TULP4: variants seen among roughly 807,000 people sequenced by gnomAD.
The protein encoded by TULP4 is TUB like protein 4.
Under a neutral mutation model 129.0 loss-of-function variants are expected in TULP4, and 16 were observed. That is an observed-to-expected ratio of 0.12 (90% confidence interval 0.08 to 0.19). The LOEUF is 0.19. Among genes scored for constraint, TULP4 ranks in the 10% least tolerant of loss-of-function variants. The probability of loss-of-function intolerance (pLI) is 1.00; values close to 1 mark genes in which losing one functional copy is unlikely to be tolerated. For missense variants in TULP4, 1,842 were observed against 2,059.1 expected (o/e 0.89, Z 2.04); for synonymous variants, 998 against 854.0 (o/e 1.17, Z -2.94).
At chr6:158,305,872 T>C (rs1019908074) in intron 1 of TULP4, among the ~76,000 whole-genome samples, 3 of 152,170 alleles carry the variant, frequency 2.0e-5, no homozygotes, top group Admixed American at 1.3e-4. Context: ...GATTTGACAA[T>C]ATTCTTATCA....
At chr6:158,239,957 C>G (rs1165751032) in intron 1 of TULP4, among the ~76,000 whole-genome samples, 3 of 90,368 alleles carry the variant, frequency 3.3e-5, no homozygotes, top group Non-Finnish European at 7.7e-5. Context: ...CCCCCCCCAC[C>G]TCCCTCCCGG....
intron 1 of TULP4, among the ~76,000 whole-genome samples, chr6:158,302,004 A>G (rs1420047693): frequency 6.6e-6 from 1 of 152,244 alleles, no homozygotes; most frequent in African/African-American, 2.4e-5. Context: ...ATTGAACAGG[A>G]GTGGTCTGTT....
intron 1 of TULP4, among the ~76,000 whole-genome samples, chr6:158,333,936 A>C (rs1184534523): frequency 6.6e-6 from 1 of 152,206 alleles, no homozygotes; most frequent in Non-Finnish European, 1.5e-5. Flanking sequence ...TAACTGCATA[A>C]ACTTAACTGT....
Position 158,452,145 on chromosome 6 carries a change from G to A in TULP4, c.736G>A (p.Ala246Thr). ...TTGTGTTCCTGCAGATGGTCCGGCA[G>A]CATATCCCATCCCAGTGCAGAACAT... Reference protein sequence around the residue: ...DYAPPQDGPAAYPIPVQNIKP... With the variant: ...DYAPPQDGPATYPIPVQNIKP... Residue 246 changes from alanine to threonine, a missense_variant, in exon 5 of 14, where the codon GCA becomes ACA. Coordinates refer to ENST00000367097, the MANE Select transcript of TULP4 (RefSeq NM_020245.5). The A allele has an allele frequency of 6.2e-7, 1 of 1,614,136 alleles. No individual in the cohort carries two copies. Among genetic ancestry groups the A allele is most frequent in the Middle Eastern group, 1.7e-4 (1 of 6,060 alleles).
intron 1 of TULP4, among the ~76,000 whole-genome samples, chr6:158,298,130 C>T (rs187160197): frequency 3.8e-4 from 57 of 151,772 alleles, no homozygotes; most frequent in African/African-American, 1.3e-3. Flanking sequence ...TGCCTGACCC[C>T]GCAGGCAGTC....
intron 1 of TULP4, among the ~76,000 whole-genome samples, chr6:158,257,428 A>AC (rs1778269526): frequency 6.6e-6 from 1 of 152,238 alleles, no homozygotes; most frequent in Non-Finnish European, 1.5e-5. Flanking sequence ...TATACATAAC[A>AC]AAATATATTA....
intron 1 of TULP4, among the ~76,000 whole-genome samples, chr6:158,320,446 T>G (rs1196474942): frequency 1.3e-5 from 2 of 151,998 alleles, no homozygotes; most frequent in African/African-American, 2.4e-5. Context: ...TTTTTTTTTT[T>G]TTTTACACAG....
chr6:158,308,326 A>G (rs1337092805), upstream of TULP4, among the ~76,000 whole-genome samples: 1 of 151,896 alleles, frequency 6.6e-6, no homozygotes, highest in Admixed American at 6.6e-5. Flanking sequence ...GGGTAAGGTC[A>G]CAGATCAACA....
At chr6:158,282,235 C>G (rs1778768147), upstream of TULP4, 1 of 151,956 alleles carries the variant, frequency 6.6e-6, no homozygotes, top group South Asian at 2.1e-4. Flanking sequence ...TTCTCGCTAA[C>G]CCTAGTTAAT....
At chr6:158,410,734 A>G (rs943499731) in intron 1 of TULP4, among the ~76,000 whole-genome samples, 1 of 152,200 alleles carries the variant, frequency 6.6e-6, no homozygotes, top group Non-Finnish European at 1.5e-5. Context: ...GACATGTTCA[A>G]TGTCATTTAA....
intron 1 of TULP4, among the ~76,000 whole-genome samples, chr6:158,274,143 G>T (rs915592139): frequency 6.6e-5 from 10 of 151,838 alleles, no homozygotes; most frequent in Non-Finnish European, 2.9e-5. Context: ...CTGCAGTCCC[G>T]GCTACTTGGG....
At chr6:158,241,665 G>C (rs913633817) in intron 1 of TULP4, among the ~76,000 whole-genome samples, 2 of 152,118 alleles carry the variant, frequency 1.3e-5, no homozygotes, top group Non-Finnish European at 2.9e-5. Context: ...CGTGACCTTG[G>C]CTCACCGCAA....
chr6:158,427,435 A>G (rs1363476444), intron 2 of TULP4, among the ~76,000 whole-genome samples: 1 of 145,102 alleles, frequency 6.9e-6, no homozygotes, highest in Non-Finnish European at 1.5e-5. Flanking sequence ...GAAAACTTAC[A>G]TGAAATGGAC....
intron 1 of TULP4, among the ~76,000 whole-genome samples, chr6:158,232,816 G>C (rs910508207): frequency 2.0e-5 from 3 of 152,166 alleles, no homozygotes; most frequent in African/African-American, 7.2e-5. Flanking sequence ...TCCCCAGCCC[G>C]CCTGCCCCAC....
At chr6:158,376,172 G>A (rs987461242) in intron 1 of TULP4, among the ~76,000 whole-genome samples, 3 of 152,158 alleles carry the variant, frequency 2.0e-5, no homozygotes, top group Non-Finnish European at 2.9e-5. Flanking sequence ...TGGATAGCAC[G>A]TCACTCCAGA....
At chr6:158,366,048 G>A (rs1456056316) in intron 1 of TULP4, among the ~76,000 whole-genome samples, 6 of 151,268 alleles carry the variant, frequency 4.0e-5, no homozygotes, top group Non-Finnish European at 7.4e-5. Flanking sequence ...GACTACAGGT[G>A]CCTGCCACCA....
intron 2 of TULP4, among the ~76,000 whole-genome samples, chr6:158,416,491 A>AG (rs1778211963): frequency 6.6e-6 from 1 of 152,260 alleles, no homozygotes; most frequent in African/African-American, 2.4e-5. Context: ...TTACAGCATA[A>AG]GGATATAAAG....
intron 1 of TULP4, among the ~76,000 whole-genome samples, chr6:158,323,635 AG>A (rs1779684600): frequency 6.6e-6 from 1 of 152,174 alleles, no homozygotes; most frequent in Non-Finnish European, 1.5e-5. Context: ...GAGAGGGCAT[AG>A]TTGGTGGAGA....
chr6:158,453,507 A>G (rs1779213349), intron 5 of TULP4, among the ~76,000 whole-genome samples: 1 of 137,976 alleles, frequency 7.2e-6, no homozygotes. Context: ...AAAAAAAAAA[A>G]AAGCCGGGCA....
Sources: allele counts gnomAD v4.1 joint callset (sites outside exome capture counted in the v4.1 genomes callset), GRCh38; gene constraint gnomAD v4.1.1; transcripts MANE v1.5; gene names NCBI Gene and HGNC (gene_info 2026-07-23, HGNC 2026-07-21).